Variants in DOCK3 observed in about 807,000 individuals in gnomAD.
DOCK3 encodes dedicator of cytokinesis 3.
Under a neutral mutation model 265.6 loss-of-function variants are expected in DOCK3, and 60 were observed. That is an observed-to-expected ratio of 0.23 (90% CI 0.18 to 0.28). The LOEUF (loss-of-function observed/expected upper bound fraction) is 0.28, where lower values mean the gene tolerates loss of function less well. Among genes scored for constraint, DOCK3 ranks in the 10% least tolerant of loss-of-function variants. DOCK3 has a pLI of 1.00. For missense variants in DOCK3, 1,981 were observed against 2,594.3 expected, an observed-to-expected ratio of 0.76 and a Z score of 5.14; for synonymous variants, 881 against 938.0, an observed-to-expected ratio of 0.94 and a Z score of 1.11.
At chr3:51,158,992 A>G (rs9833750) in intron 10 of DOCK3, among the ~76,000 whole-genome samples, 16,215 of 152,252 alleles carry the variant, frequency 0.11, 1,101 homozygotes, top group East Asian at 0.24. Flanking sequence ...GAGAACTTTT[A>G]TAGACTTTTT....
chr3:51,117,919 C>T (rs1184721210), intron 9 of DOCK3, among the ~76,000 whole-genome samples: 2 of 152,162 alleles, frequency 1.3e-5, no homozygotes, highest in South Asian at 2.1e-4. Flanking sequence ...CTCCTGGATT[C>T]ATTGATTTTT....
At chr3:50,966,643 ATATC>A (rs1188784912) in intron 5 of DOCK3, among the ~76,000 whole-genome samples, 2 of 152,068 alleles carry the variant, frequency 1.3e-5, no homozygotes, top group Admixed American at 6.6e-5. Context: ...CTTTGGGAAA[ATATC>A]TATAGACAGA....
intron 12 of DOCK3, among the ~76,000 whole-genome samples, chr3:51,197,263 C>G (rs1398830398): frequency 6.6e-6 from 1 of 152,140 alleles, no homozygotes; most frequent in Non-Finnish European, 1.5e-5. Flanking sequence ...CACTGGCAGC[C>G]ATGTTGGCAA....
chr3:50,859,210 G>GTTTT (rs138539454), intron 3 of DOCK3, among the ~76,000 whole-genome samples: 29 of 69,240 alleles, frequency 4.2e-4, no homozygotes, highest in Non-Finnish European at 4.7e-4. Context: ...AACTGGTATG[G>GTTTT]TTTTTTTTTT....
chr3:51,183,686 G>A (rs1346810350), intron 12 of DOCK3, among the ~76,000 whole-genome samples: 1 of 152,002 alleles, frequency 6.6e-6, no homozygotes, highest in African/African-American at 2.4e-5. Flanking sequence ...TAAAAATAAA[G>A]TTTCACAAGA....
intron 25 of DOCK3, chr3:51,276,540 T>C (rs1337537768): frequency 1.6e-6 from 1 of 609,392 alleles, no homozygotes; most frequent in Admixed American, 6.3e-5. Flanking sequence ...CACTGGTAAG[T>C]GTTATGATCA....
intron 24 of DOCK3, among the ~76,000 whole-genome samples, chr3:51,274,754 C>G (rs1042240028): frequency 1.5e-4 from 23 of 152,098 alleles, no homozygotes; most frequent in Non-Finnish European, 5.9e-5. Context: ...GCATTCCAGC[C>G]TGGGTGACAG....
intron 38 of DOCK3, among the ~76,000 whole-genome samples, chr3:51,346,021 C>T (rs774546126): frequency 6.6e-6 from 1 of 152,074 alleles, no homozygotes; most frequent in Admixed American, 6.6e-5. Flanking sequence ...CTTCTAGTCT[C>T]TCTACTTTTC....
At chr3:51,196,602 C>T (rs1018283546) in intron 12 of DOCK3, among the ~76,000 whole-genome samples, 1 of 151,974 alleles carries the variant, frequency 6.6e-6, no homozygotes, top group Non-Finnish European at 1.5e-5. Context: ...TTATTTTTGT[C>T]TGACAGGATT....
Position 50,694,656 on chromosome 3 carries a change from C to G in DOCK3, c.37+19356C>G, listed in dbSNP as rs578201848. 2.6e-5 allele frequency among the ~76,000 whole-genome samples: 4 copies of G among 151,872 alleles called. No homozygotes were observed. The South Asian group carries it at 6.3e-4, about 24-fold the overall frequency. On this transcript the variant is annotated intron_variant, in intron 1 of 52. Transcript: ENST00000266037. ...AAACTCTGTCTCTACTAAAAAAATA[C>G]AAAAATTTGCTGGGCGTGGTGGTGC...
At chr3:50,875,895 C>A (rs566296092) in intron 3 of DOCK3, among the ~76,000 whole-genome samples, 1 of 150,946 alleles carries the variant, frequency 6.6e-6, no homozygotes, top group Non-Finnish European at 1.5e-5. Flanking sequence ...TGAGAGTCTT[C>A]GCCTGTTCGC....
intron 27 of DOCK3, among the ~76,000 whole-genome samples, chr3:51,296,434 A>G (rs2082081726): frequency 6.6e-6 from 1 of 152,094 alleles, no homozygotes; most frequent in Non-Finnish European, 1.5e-5. Context: ...AGATACATAG[A>G]TCAACAAAAC....
intron 9 of DOCK3, among the ~76,000 whole-genome samples, chr3:51,095,415 A>G (rs957395741): frequency 6.6e-6 from 1 of 152,110 alleles, no homozygotes; most frequent in Non-Finnish European, 1.5e-5. Flanking sequence ...TCTTTTGCTT[A>G]TGAAGCTTAG....
intron 49 of DOCK3, among the ~76,000 whole-genome samples, chr3:51,367,677 G>A (rs1213452228): frequency 6.6e-6 from 1 of 152,186 alleles, no homozygotes; most frequent in Non-Finnish European, 1.5e-5. Flanking sequence ...CTCTTGTAAG[G>A]TAGGCCTGGT....
intron 31 of DOCK3, among the ~76,000 whole-genome samples, chr3:51,313,631 G>T (rs762634818): frequency 1.4e-4 from 21 of 152,158 alleles, no homozygotes; most frequent in Non-Finnish European, 2.2e-4. Context: ...AGTGAAGTCT[G>T]CTTTCAGCTG....
chr3:51,157,386 C>G (rs2085901586), intron 10 of DOCK3, among the ~76,000 whole-genome samples: 1 of 152,072 alleles, frequency 6.6e-6, no homozygotes, highest in African/African-American at 2.4e-5. Flanking sequence ...GCTGGGATTA[C>G]AAGTGCGTGC....
At chr3:50,801,656 G>A (rs2043074814) in intron 2 of DOCK3, among the ~76,000 whole-genome samples, 1 of 152,166 alleles carries the variant, frequency 6.6e-6, no homozygotes, top group Non-Finnish European at 1.5e-5. Flanking sequence ...GGGCTGATGA[G>A]GAGAATGTGT....
At chr3:51,079,899 T>C (rs1254060656) in intron 7 of DOCK3, among the ~76,000 whole-genome samples, 3 of 152,248 alleles carry the variant, frequency 2.0e-5, no homozygotes, top group African/African-American at 4.8e-5. Flanking sequence ...ATGCTTGCAT[T>C]ATAGCCCCCT....
chr3:50,983,253 G>A (rs769126361), intron 5 of DOCK3, among the ~76,000 whole-genome samples: 11 of 152,164 alleles, frequency 7.2e-5, no homozygotes, highest in Non-Finnish European at 1.5e-4. Context: ...CAGTCTCAGT[G>A]CTATGATGAC....
Sources: gnomAD v4.1 joint callset for allele counts (sites outside exome capture counted in the v4.1 genomes callset) on GRCh38, gnomAD v4.1.1 for gene constraint, MANE v1.5 for transcripts, NCBI Gene and HGNC (gene_info 2026-07-23, HGNC 2026-07-21) for gene names.